CDH13: variants seen among roughly 807,000 people sequenced by gnomAD.
CDH13 encodes cadherin 13.
Under a neutral mutation model 63.8 loss-of-function variants are expected in CDH13, and 24 were observed. The ratio of observed to expected loss-of-function variants is 0.38; its 90% confidence interval spans 0.27 to 0.53. The LOEUF (loss-of-function observed/expected upper bound fraction) is 0.53. Among genes scored for constraint, CDH13 ranks in the 20% least tolerant of loss-of-function variants. CDH13 has a pLI of 0.85. For synonymous variants in CDH13, 503 were observed against 355.3 expected, an observed-to-expected ratio of 1.42 and a Z score of -4.67; for missense variants, 1,049 against 903.1, an observed-to-expected ratio of 1.16 and a Z score of -2.07.
At chr16:83,006,505 T>C (rs949108951) in intron 2 of CDH13, among the ~76,000 whole-genome samples, 3 of 152,050 alleles carry the variant, frequency 2.0e-5, no homozygotes, top group African/African-American at 7.3e-5. Flanking sequence ...TGAAAAAGAC[T>C]AGCCAAGCGC....
chr16:83,403,773 T>C (rs1001540693), intron 6 of CDH13, among the ~76,000 whole-genome samples: 9 of 152,100 alleles, frequency 5.9e-5, no homozygotes, highest in Non-Finnish European at 1.2e-4. Context: ...ATAAAGCTCC[T>C]CCACCAACAT....
chr16:83,661,146 T>A (rs939069804), intron 8 of CDH13, among the ~76,000 whole-genome samples: 6 of 152,098 alleles, frequency 3.9e-5, no homozygotes, highest in Non-Finnish European at 8.8e-5. Context: ...TAAATTCTTA[T>A]TATTTGAAGG....
intron 7 of CDH13, among the ~76,000 whole-genome samples, chr16:83,531,778 G>T (rs9921765): frequency 1 from 152,181 of 152,318 alleles, 76,022 homozygotes; most frequent in Non-Finnish European, 1. Context: ...GTGGCCCTGC[G>T]GCCACCTTAA....
At chr16:83,765,769 A>G (rs1023758601) in intron 11 of CDH13, among the ~76,000 whole-genome samples, 1 of 147,154 alleles carries the variant, frequency 6.8e-6, no homozygotes, top group East Asian at 2.0e-4. Flanking sequence ...CTCCTGGTTC[A>G]CTTACAGCTT....
At chr16:83,043,558 C>G (rs931331277) in intron 3 of CDH13, among the ~76,000 whole-genome samples, 1 of 149,826 alleles carries the variant, frequency 6.7e-6, no homozygotes, top group Admixed American at 6.7e-5. Flanking sequence ...AACATATTAT[C>G]ATTTCAACAA....
intron 11 of CDH13, among the ~76,000 whole-genome samples, chr16:83,763,984 C>G (rs962927207): frequency 3.3e-5 from 5 of 152,194 alleles, no homozygotes; most frequent in Admixed American, 1.3e-4. Context: ...GACTTACACT[C>G]TCTCAGCCTC....
At chr16:83,412,930 G>C (rs766277850) in intron 6 of CDH13, among the ~76,000 whole-genome samples, 1 of 152,172 alleles carries the variant, frequency 6.6e-6, no homozygotes, top group East Asian at 1.9e-4. Flanking sequence ...ATGTAACTGT[G>C]TTGTATTACC....
At chr16:83,560,079 G>T (rs775001967) in intron 7 of CDH13, among the ~76,000 whole-genome samples, 15 of 152,078 alleles carry the variant, frequency 9.9e-5, no homozygotes, top group Non-Finnish European at 2.2e-4. Flanking sequence ...ATAGAACCCA[G>T]TGTCTCCTTA....
chr16:83,157,312 A>G (rs2037247796), intron 4 of CDH13, among the ~76,000 whole-genome samples: 1 of 152,160 alleles, frequency 6.6e-6, no homozygotes, highest in Admixed American at 6.5e-5. Context: ...GGAGCCAGGT[A>G]GTGAACCATG....
intron 1 of CDH13, among the ~76,000 whole-genome samples, chr16:82,681,807 C>T (rs1422294134): frequency 6.6e-6 from 1 of 152,258 alleles, no homozygotes; most frequent in Non-Finnish European, 1.5e-5. Flanking sequence ...CGGGTGAGGA[C>T]TGACATGCGT....
chr16:82,659,668 T>A (rs1162824473), intron 1 of CDH13, among the ~76,000 whole-genome samples: 1 of 152,138 alleles, frequency 6.6e-6, no homozygotes, highest in Non-Finnish European at 1.5e-5. Context: ...TGCGAGGCAC[T>A]GGAATACAAT....
intron 1 of CDH13, among the ~76,000 whole-genome samples, chr16:82,730,461 C>T (rs1182268428): frequency 6.6e-6 from 1 of 152,158 alleles, no homozygotes; most frequent in Non-Finnish European, 1.5e-5. Flanking sequence ...AGGCCATACA[C>T]ATACAACATT....
At chr16:83,445,152 C>G (rs1036487104) in intron 6 of CDH13, among the ~76,000 whole-genome samples, 1 of 151,866 alleles carries the variant, frequency 6.6e-6, no homozygotes, top group African/African-American at 2.4e-5. Flanking sequence ...AGCTACTACT[C>G]TCTCATTTAA....
At chr16:83,178,863 A>G (rs1445867260) in intron 4 of CDH13, among the ~76,000 whole-genome samples, 1 of 152,034 alleles carries the variant, frequency 6.6e-6, no homozygotes, top group African/African-American at 2.4e-5. Context: ...GAATCCTCCC[A>G]GTGTTTGGTT....
intron 1 of CDH13, among the ~76,000 whole-genome samples, chr16:82,814,796 A>G (rs534086703): frequency 1.3e-5 from 2 of 152,174 alleles, no homozygotes; most frequent in Non-Finnish European, 2.9e-5. Flanking sequence ...ACAGGCCACA[A>G]CCTGGGCCTT....
intron 5 of CDH13, among the ~76,000 whole-genome samples, chr16:83,218,038 G>A (rs2039591716): frequency 6.6e-6 from 1 of 152,134 alleles, no homozygotes; most frequent in South Asian, 2.1e-4. Flanking sequence ...GACACATATG[G>A]TATCCTCATT....
chr16:83,513,361 C>G (rs1440378003), intron 7 of CDH13, among the ~76,000 whole-genome samples: 2 of 152,096 alleles, frequency 1.3e-5, no homozygotes, highest in Non-Finnish European at 2.9e-5. Flanking sequence ...CCTTAGATCC[C>G]TTAGATCAAT....
chr16:83,285,996 G>A (rs1185500207), intron 5 of CDH13, among the ~76,000 whole-genome samples: 1 of 152,184 alleles, frequency 6.6e-6, no homozygotes, highest in Non-Finnish European at 1.5e-5. Context: ...CCAGGTTTCA[G>A]AGGAGCAAAG....
chr16:83,510,792 T>G (rs912724076), intron 7 of CDH13, among the ~76,000 whole-genome samples: 24 of 152,222 alleles, frequency 1.6e-4, no homozygotes, highest in African/African-American at 5.8e-4. Context: ...TTTGAAAAAG[T>G]ATGTCTTAAA....
Sources: allele counts gnomAD v4.1 joint callset (sites outside exome capture counted in the v4.1 genomes callset), GRCh38; gene constraint gnomAD v4.1.1; transcripts MANE v1.5; gene names NCBI Gene and HGNC (gene_info 2026-07-23, HGNC 2026-07-21).